Variants in CSMD1 observed in about 807,000 individuals in gnomAD.
The protein encoded by CSMD1 is CUB and Sushi multiple domains 1.
Under a neutral mutation model 417.5 loss-of-function variants are expected in CSMD1, and 213 were observed. The ratio of observed to expected loss-of-function variants is 0.51; its 90% CI spans 0.46 to 0.57. The LOEUF (loss-of-function observed/expected upper bound fraction) is 0.57, where lower values mean the gene tolerates loss of function less well. CSMD1 is among the 20% of genes least tolerant of loss of function. CSMD1 has a pLI of 0.00. For missense variants in CSMD1, 6,923 were observed against 4,529.7 expected, an observed-to-expected ratio of 1.53 and a Z score of -15.17; for synonymous variants, 2,862 against 1,736.8, an observed-to-expected ratio of 1.65 and a Z score of -16.11.
intron 23 of CSMD1, among the ~76,000 whole-genome samples, chr8:3,322,188 A>G (rs1052359131): frequency 6.6e-6 from 1 of 152,216 alleles, no homozygotes; most frequent in Non-Finnish European, 1.5e-5. Flanking sequence ...TATTCAATAC[A>G]TTTCATGGCC....
At chr8:4,042,335 G>T (rs1023141572) in intron 3 of CSMD1, among the ~76,000 whole-genome samples, 1 of 152,118 alleles carries the variant, frequency 6.6e-6, no homozygotes, top group Non-Finnish European at 1.5e-5. Context: ...AGATAAAGGG[G>T]CCAGGTGATG....
chr8:3,788,790 T>C (rs936028072), intron 5 of CSMD1, among the ~76,000 whole-genome samples: 17 of 152,216 alleles, frequency 1.1e-4, no homozygotes, highest in African/African-American at 3.9e-4. Context: ...GAGTGCAAAA[T>C]CAATACACAG....
intron 1 of CSMD1, among the ~76,000 whole-genome samples, chr8:4,706,479 G>C (rs947586447): frequency 1.3e-5 from 2 of 152,050 alleles, no homozygotes; most frequent in African/African-American, 4.8e-5. Context: ...AATACAAAAG[G>C]GGAAAGTAAA....
Position 4,979,413 on chromosome 8 carries a change from G to A in CSMD1, c.85+14919C>T, listed in dbSNP as rs148153588. The stretch of plus-strand genomic sequence containing the variant: ...TTTTCCACGGCCACACTATGAGGAG[G>A]AGAGACGGAACTCGAGCTTACTTAG... On this transcript the variant is annotated intron_variant, in intron 1 of 69. Coordinates refer to ENST00000635120, the MANE Select transcript of CSMD1 (RefSeq NM_033225.6). 1.6e-4 allele frequency among the ~76,000 whole-genome samples: 24 copies of A among 152,262 alleles called. No homozygotes were observed. The East Asian group carries it at 4.4e-3, about 28-fold the overall frequency.
At chr8:3,439,442 T>C (rs1314373033) in intron 12 of CSMD1, among the ~76,000 whole-genome samples, 1 of 150,968 alleles carries the variant, frequency 6.6e-6, no homozygotes, top group Non-Finnish European at 1.5e-5. Context: ...ACATGTTCTT[T>C]GGTGAAAGGT....
At chr8:3,817,285 T>C (rs1801438423) in intron 5 of CSMD1, among the ~76,000 whole-genome samples, 2 of 68,826 alleles carry the variant, frequency 2.9e-5, no homozygotes, top group African/African-American at 6.6e-5. Context: ...TTTTTTTTTT[T>C]TTTTTTTTTT....
chr8:3,849,967 T>A (rs924489181), intron 5 of CSMD1, among the ~76,000 whole-genome samples: 5 of 151,208 alleles, frequency 3.3e-5, no homozygotes, highest in Non-Finnish European at 7.4e-5. Flanking sequence ...AGGCACCCAC[T>A]ACCATGCTCG....
At chr8:3,147,509 C>A (rs1818915462) in intron 40 of CSMD1, among the ~76,000 whole-genome samples, 1 of 152,194 alleles carries the variant, frequency 6.6e-6, no homozygotes, top group South Asian at 2.1e-4. Context: ...ATGCCAAATT[C>A]ATTTCCTACT....
chr8:3,184,486 G>T (rs1047018597), intron 36 of CSMD1, among the ~76,000 whole-genome samples: 3 of 152,120 alleles, frequency 2.0e-5, no homozygotes, highest in Non-Finnish European at 2.9e-5. Context: ...CTTCAGTTCT[G>T]CTCTTATCAC....
chr8:4,852,559 A>C (rs565136879), intron 1 of CSMD1, among the ~76,000 whole-genome samples: 1 of 152,162 alleles, frequency 6.6e-6, no homozygotes, highest in Non-Finnish European at 1.5e-5. Flanking sequence ...ATGGAAATTC[A>C]AAAACAGCCT....
At chr8:4,013,363 T>C (rs931968054) in intron 4 of CSMD1, among the ~76,000 whole-genome samples, 2 of 152,184 alleles carry the variant, frequency 1.3e-5, no homozygotes, top group African/African-American at 2.4e-5. Flanking sequence ...TTGATCCCTC[T>C]GTCAGAACCA....
intron 12 of CSMD1, among the ~76,000 whole-genome samples, chr8:3,421,509 TATGAAA>T (rs1813486855): frequency 6.6e-6 from 1 of 152,228 alleles, no homozygotes; most frequent in Non-Finnish European, 1.5e-5. Context: ...GAGTTCTCAC[TATGAAA>T]ATAACAATTT....
At chr8:4,473,219 AG>A (rs1800629039) in intron 2 of CSMD1, among the ~76,000 whole-genome samples, 1 of 152,216 alleles carries the variant, frequency 6.6e-6, no homozygotes, top group African/African-American at 2.4e-5. Context: ...ATGATTAAAA[AG>A]TTTTAAATTT....
intron 3 of CSMD1, among the ~76,000 whole-genome samples, chr8:4,204,662 A>G (rs1445093586): frequency 6.6e-6 from 1 of 152,062 alleles, no homozygotes; most frequent in Non-Finnish European, 1.5e-5. Flanking sequence ...AATTATTATT[A>G]GTAGTATTTT....
intron 3 of CSMD1, among the ~76,000 whole-genome samples, chr8:4,215,089 T>C (rs1165233004): frequency 1.3e-5 from 2 of 152,148 alleles, no homozygotes; most frequent in Non-Finnish European, 2.9e-5. Context: ...CAAACAATGC[T>C]TCTATTCCGG....
Position 4,839,080 on chromosome 8 carries a change from T to G in CSMD1, c.85+155252A>C, listed in dbSNP as rs566258945. Among the ~76,000 whole-genome samples the G allele has an allele frequency of 1.1e-3, 160 of 152,336 alleles. 3 individuals carry two copies. Among genetic ancestry groups the G allele is most frequent in the African/African-American group, 3.8e-3 (157 of 41,574 alleles). The stretch of plus-strand genomic sequence containing the variant: ...TGTCTGCTTTGTATTTCTGACCTGG[T>G]ATTTTACTCCTCTGAGTCAGTTTCC... On this transcript the variant is annotated intron_variant, in intron 1 of 69. Coordinates refer to ENST00000635120, the MANE Select transcript of CSMD1 (RefSeq NM_033225.6).
At chr8:4,697,518 T>C (rs899001518) in intron 1 of CSMD1, among the ~76,000 whole-genome samples, 14 of 152,200 alleles carry the variant, frequency 9.2e-5, no homozygotes, top group African/African-American at 3.1e-4. Flanking sequence ...GAATTCTATG[T>C]CCTGTATTGT....
At position 4,063,377 on chromosome 8, in the gene CSMD1, C is replaced by G. The variant is rs944823976; in HGVS notation, c.416-31278G>C. ...AAATGTGTATGAAAAATTTAAATAT[C>G]AGACAAGTAAACTATATAGATTATA... On this transcript the variant is annotated intron_variant, in intron 3 of 69. Transcript: ENST00000635120. 2.1e-4 allele frequency among the ~76,000 whole-genome samples: 32 copies of G among 151,826 alleles called. 1 individual carries two copies. Among genetic ancestry groups the G allele is most frequent in the Admixed American group, 2.0e-3 (30 of 15,236 alleles).
intron 3 of CSMD1, among the ~76,000 whole-genome samples, chr8:4,340,622 T>C (rs1241997073): frequency 2.0e-5 from 3 of 152,126 alleles, no homozygotes; most frequent in Non-Finnish European, 4.4e-5. Context: ...CTGCGCCTCC[T>C]CTGCCAATGA....
Sources: gnomAD v4.1 joint callset for allele counts (sites outside exome capture counted in the v4.1 genomes callset) on GRCh38, gnomAD v4.1.1 for gene constraint, MANE v1.5 for transcripts, NCBI Gene and HGNC (gene_info 2026-07-23, HGNC 2026-07-21) for gene names.